PHKA2: variants seen among roughly 807,000 people sequenced by gnomAD.
PHKA2 encodes the protein phosphorylase kinase regulatory subunit alpha 2, also known as phosphorylase b kinase regulatory subunit alpha, liver isoform.
Under a neutral mutation model 102.0 loss-of-function variants are expected in PHKA2, and 31 were observed. That is an observed-to-expected ratio of 0.30 (90% CI 0.23 to 0.41). The LOEUF (loss-of-function observed/expected upper bound fraction) is 0.41. PHKA2 is among the 10% of genes least tolerant of loss of function. The pLI, the probability that PHKA2 is intolerant of heterozygous loss-of-function variation, is 1.00. For missense variants in PHKA2, 858 were observed against 1,023.1 expected, an observed-to-expected ratio of 0.84 and a Z score of 2.20; for synonymous variants, 455 against 416.2, an observed-to-expected ratio of 1.09 and a Z score of -1.13.
At chrX:18,951,414 G>A in intron 3 of PHKA2, 142 bp from the exon 4 acceptor site, 1 of 603,104 alleles carries the variant, frequency 1.7e-6, no homozygotes, top group Non-Finnish European at 2.8e-6. Flanking sequence ...CTGCTAGGCA[G>A]CACCGCACAG....
At chrX:18,962,267 G>A (rs1028663551) in intron 1 of PHKA2, among the ~76,000 whole-genome samples, 8 of 111,317 alleles carry the variant, frequency 7.2e-5, no homozygotes, top group African/African-American at 2.3e-4. Context: ...TTGTGGGTGC[G>A]TGCATGGGCA....
chrX:18,902,033 G>C (rs1555991749), intron 26 of PHKA2, among the ~76,000 whole-genome samples: 1 of 111,026 alleles, frequency 9.0e-6, no homozygotes, highest in African/African-American at 3.3e-5. Context: ...AGTAGAGGCA[G>C]GGTTTCACCA....
intron 6 of PHKA2, among the ~76,000 whole-genome samples, chrX:18,944,863 T>C (rs1249709958): frequency 8.9e-6 from 1 of 112,413 alleles, no homozygotes; most frequent in Non-Finnish European, 1.9e-5. Flanking sequence ...CGGAGCACTC[T>C]TACTTTCTGC....
rs765148288 is a variant in PHKA2, at chrX:18,969,994, C to A, written c.78+13861G>T. Among the ~76,000 whole-genome samples, 4 of 112,146 alleles carry A rather than the reference C, an allele frequency of 3.6e-5. No individual in the cohort carries two copies. In the South Asian group the frequency reaches 1.1e-3, roughly 31 times the overall value. ...ATGGCTCATGCCTCTAACCCCAGCA[C>A]TTTGGGAGGCTGAGGTGGGAGGATC... On this transcript the variant is annotated intron_variant, in intron 1 of 32. Transcript: ENST00000379942.
At chrX:18,905,142 C>T (rs936921687) in intron 26 of PHKA2, among the ~76,000 whole-genome samples, 2 of 111,611 alleles carry the variant, frequency 1.8e-5, no homozygotes, top group Admixed American at 1.9e-4. Context: ...AAAGGACAGC[C>T]CTTTCACCCT....
At chrX:18,974,153 T>A (rs776448157) in intron 1 of PHKA2, among the ~76,000 whole-genome samples, 1 of 110,244 alleles carries the variant, frequency 9.1e-6, no homozygotes, top group East Asian at 2.8e-4. Flanking sequence ...GCATTATCAG[T>A]TTTTCCCTGT....
chrX:18,948,926 T>C, intron 4 of PHKA2, 100 bp from the exon 5 acceptor site: 1 of 578,914 alleles, frequency 1.7e-6, no homozygotes, highest in Non-Finnish European at 3.0e-6. Context: ...TTTACCCTCA[T>C]TTTCATTTTT....
intron 1 of PHKA2, among the ~76,000 whole-genome samples, chrX:18,973,866 C>T (rs1163805811): frequency 8.9e-6 from 1 of 111,844 alleles, no homozygotes; most frequent in Non-Finnish European, 1.9e-5. Context: ...TGCTGTCCAA[C>T]GATTATCTAG....
intron 27 of PHKA2, among the ~76,000 whole-genome samples, chrX:18,900,948 C>G (rs1221616439): frequency 9.1e-6 from 1 of 110,405 alleles, no homozygotes; most frequent in East Asian, 2.8e-4. Context: ...CCTAGCACAG[C>G]ACCCAGCACG....
Position 18,939,981 on chromosome X carries a change from T to C in PHKA2, c.918+14A>G, listed in dbSNP as rs1275369774. 5 of 1,115,885 alleles carry C rather than the reference T, an allele frequency of 4.5e-6. No homozygotes were observed. The highest frequency in any genetic ancestry group is 4.9e-6 in the Non-Finnish European group (4 of 808,218). 92.0% of individuals were successfully genotyped at this position (1,115,885 alleles called of 1,213,427 possible). On this transcript the variant is annotated intron_variant, in intron 9 of 32. Coordinates refer to ENST00000379942, the MANE Select transcript of PHKA2 (RefSeq NM_000292.3). ...ACAGTTGAGGAAAGATAAGAAACAA[T>C]ATTTAAATACAACCTCTCTTGGAGT...
chrX:18,943,257 A>ATTTCCCATC (rs774940830), intron 7 of PHKA2, among the ~76,000 whole-genome samples: 1 of 111,386 alleles, frequency 9.0e-6, no homozygotes, highest in African/African-American at 3.3e-5. Context: ...GGTTGTACTA[A>ATTTCCCATC]TTTCCCATCT....
rs773028631 is a variant in PHKA2, at chrX:18,914,171, T to C, written c.2138-3211A>G. Among the ~76,000 whole-genome samples the C allele has an allele frequency of 6.2e-5, 7 of 112,627 alleles. No individual in the cohort carries two copies. The South Asian group carries it at 1.8e-3, about 29-fold the overall frequency. On this transcript the variant is annotated intron_variant, in intron 19 of 32. Transcript: ENST00000379942. ...CATGGTGCTACAAAGTCACTACAGC[T>C]ACGATGTCACTAGGTGACAGAAAGG...
At chrX:18,968,347 T>C (rs779942959) in intron 1 of PHKA2, among the ~76,000 whole-genome samples, 26 of 112,934 alleles carry the variant, frequency 2.3e-4, no homozygotes, top group Non-Finnish European at 4.9e-4. Context: ...TATTCTCATA[T>C]ATGCTTCTGT....
intron 19 of PHKA2, among the ~76,000 whole-genome samples, chrX:18,914,294 A>T (rs1222818952): frequency 2.7e-5 from 3 of 112,356 alleles, no homozygotes; most frequent in South Asian, 3.7e-4. Flanking sequence ...ATTTTTTTTT[A>T]AAAGACAAAT....
chrX:18,897,155 C>A lies in PHKA2; in HGVS notation c.3282+8G>T. The A allele has an allele frequency of 8.3e-7, 1 of 1,210,832 alleles. No individual in the cohort carries two copies. Among genetic ancestry groups the A allele is most frequent in the Non-Finnish European group, 1.1e-6 (1 of 894,753 alleles). On this transcript the variant is annotated splice_region_variant and intron_variant, in intron 30 of 32. Coordinates refer to ENST00000379942, the MANE Select transcript of PHKA2 (RefSeq NM_000292.3). Reference sequence around the variant, plus strand: ...TTCACTTCCCCAGGAGCTCGCGTCTCGGCTTACCTTCTGGAGGATCTTCCA... The same window carrying A: ...TTCACTTCCCCAGGAGCTCGCGTCTAGGCTTACCTTCTGGAGGATCTTCCA...
intron 6 of PHKA2, 43 bp downstream of exon 6, chrX:18,945,033 GCA>G: frequency 1.2e-6 from 1 of 818,223 alleles, no homozygotes; most frequent in Non-Finnish European, 1.9e-6. Context: ...CCAAATCAAA[GCA>G]GTAAAAACAT....
chrX:18,898,720 G>A lies in PHKA2; in HGVS notation c.3111+453C>T, dbSNP rs747571488. 4.5e-5 allele frequency among the ~76,000 whole-genome samples: 5 copies of A among 112,280 alleles called. No individual in the cohort carries two copies. The South Asian group carries it at 1.8e-3, about 41-fold the overall frequency. ...CACTCCTCAATGACTCAGCTGATCC[G>A]GGCCCTCCAGTTTCAGGAGGAAGAT... On this transcript the variant is annotated intron_variant, in intron 29 of 32. Transcript: ENST00000379942.
rs1208422005 is a variant in PHKA2, at chrX:18,892,432, T to TGACA, written c.*1049_*1052dup. ...CATTGGCAAAAGATTTGCCAGACCC[T>TGACA]GACACCTGACTCAACCTTGCTCTCC... On this transcript the variant is annotated 3_prime_UTR_variant, in exon 33 of 33. Transcript: ENST00000379942. 1.8e-5 allele frequency: 2 copies of TGACA among 113,025 alleles called. No homozygotes were observed. Among genetic ancestry groups the TGACA allele is most frequent in the Non-Finnish European group, 3.7e-5 (2 of 53,401 alleles). The allele number at this position is 113,025 out of a possible 1,213,427, so 9.3% of individuals were successfully genotyped here.
At chrX:18,901,408 G>T in intron 27 of PHKA2, 77 bp downstream of exon 27, 1 of 644,472 alleles carries the variant, frequency 1.6e-6, no homozygotes. Flanking sequence ...TCATGCCCTA[G>T]GTTTCTGTCG....
Sources: gnomAD v4.1 joint callset for allele counts (sites outside exome capture counted in the v4.1 genomes callset) on GRCh38, gnomAD v4.1.1 for gene constraint, MANE v1.5 for transcripts, NCBI Gene and HGNC (gene_info 2026-07-23, HGNC 2026-07-21) for gene names.